Variants in CSMD1 observed in about 807,000 individuals in gnomAD.
The protein encoded by CSMD1 is CUB and sushi domain-containing protein 1.
A neutral mutation model predicts 417.5 loss-of-function variants in CSMD1; 213 were observed. That is an observed-to-expected ratio of 0.51 (90% CI 0.46 to 0.57). The LOEUF (loss-of-function observed/expected upper bound fraction) is 0.57, where lower values mean the gene tolerates loss of function less well. Ranked by LOEUF, CSMD1 falls within the 20% of genes least tolerant of loss-of-function variation. The probability of loss-of-function intolerance (pLI) is 0.00; values close to 1 mark genes in which losing one functional copy is unlikely to be tolerated. For missense variants in CSMD1, 6,923 were observed against 4,529.7 expected (o/e 1.53, Z -15.17); for synonymous variants, 2,862 against 1,736.8 (o/e 1.65, Z -16.11).
At chr8:4,123,092 T>G (rs1802577047) in intron 3 of CSMD1, among the ~76,000 whole-genome samples, 1 of 152,186 alleles carries the variant, frequency 6.6e-6, no homozygotes, top group Non-Finnish European at 1.5e-5. Flanking sequence ...CCAGTGAGAT[T>G]GGAAAACAGA....
rs80314292 is a variant in CSMD1, at chr8:3,360,926, T to A, written c.3116-1586A>T. On this transcript the variant is annotated intron_variant, in intron 20 of 69. Transcript: ENST00000635120. Reference sequence around the variant, plus strand: ...CTGAGATCTCATACCTGCACTTTTATAAAAACTTTTATGGAACTCTGTACC... The same window carrying A: ...CTGAGATCTCATACCTGCACTTTTAAAAAAACTTTTATGGAACTCTGTACC... Among the ~76,000 whole-genome samples the A allele has an allele frequency of 9.0e-3, 1,366 of 152,148 alleles. 21 individuals are homozygous for A. Among genetic ancestry groups the A allele is most frequent in the African/African-American group, 0.031 (1,308 of 41,530 alleles).
At position 4,915,390 on chromosome 8, in the gene CSMD1, G is replaced by A. The variant is rs889908733; in HGVS notation, c.85+78942C>T. On this transcript the variant is annotated intron_variant, in intron 1 of 69. Coordinates refer to ENST00000635120, the MANE Select transcript of CSMD1 (RefSeq NM_033225.6). ...GTCTGACAATCGTAGATTCTGATCC[G>A]TATTTTAGATAAGAAATTGTTTACA... 6.2e-4 allele frequency among the ~76,000 whole-genome samples: 94 copies of A among 152,158 alleles called. 9 individuals carry two copies. The highest frequency in any genetic ancestry group is 2.1e-4 in the South Asian group (1 of 4,826).
chr8:3,073,144 C>A (rs937423693), intron 49 of CSMD1, among the ~76,000 whole-genome samples: 1 of 151,928 alleles, frequency 6.6e-6, no homozygotes, highest in Non-Finnish European at 1.5e-5. Flanking sequence ...GAAAACTTTG[C>A]AAATAGAGTG....
Position 3,157,814 on chromosome 8 carries a change from G to C in CSMD1, c.5914+83C>G. ...TTTTGAAATTAAGAAATTTAGAAGT[G>C]CATTCTTTGACCCCAAGAGTAGAGC... is the stretch of plus-strand genomic sequence containing the variant. On this transcript the variant is annotated intron_variant, in intron 39 of 69. Transcript: ENST00000635120. 2.7e-6 allele frequency: 3 copies of C among 1,092,590 alleles called. No individual in the cohort carries two copies. The Admixed American group carries it at 6.3e-5, about 23-fold the overall frequency. The allele number at this position is 1,092,590 out of a possible 1,614,324, so 67.7% of individuals were successfully genotyped here.
intron 1 of CSMD1, among the ~76,000 whole-genome samples, chr8:4,942,197 C>T (rs761783024): frequency 1.3e-5 from 2 of 152,128 alleles, no homozygotes; most frequent in Non-Finnish European, 2.9e-5. Flanking sequence ...TTCCTTCCCC[C>T]CAACACACAG....
chr8:3,572,237 C>T (rs937515175), intron 10 of CSMD1, among the ~76,000 whole-genome samples: 20 of 152,126 alleles, frequency 1.3e-4, no homozygotes, highest in African/African-American at 4.8e-4. Flanking sequence ...GGGGCTGTGT[C>T]AAAAGGAGGA....
chr8:3,478,210 G>C (rs534739044), intron 11 of CSMD1, among the ~76,000 whole-genome samples: 1 of 152,186 alleles, frequency 6.6e-6, no homozygotes, highest in Non-Finnish European at 1.5e-5. Context: ...ATTTACAATC[G>C]CTATTTTAAA....
chr8:3,111,689 A>G (rs929406755), intron 42 of CSMD1, among the ~76,000 whole-genome samples: 2 of 152,022 alleles, frequency 1.3e-5, no homozygotes, highest in African/African-American at 4.8e-5. Context: ...AAAATCAGCC[A>G]GGCGTGGTGG....
At chr8:3,509,227 T>C (rs1024227376) in intron 10 of CSMD1, among the ~76,000 whole-genome samples, 1 of 152,218 alleles carries the variant, frequency 6.6e-6, no homozygotes, top group African/African-American at 2.4e-5. Context: ...CAATATTATC[T>C]GGACCCCTTT....
chr8:4,214,188 G>A (rs1057438834), intron 3 of CSMD1, among the ~76,000 whole-genome samples: 3 of 152,074 alleles, frequency 2.0e-5, no homozygotes, highest in Admixed American at 1.3e-4. Context: ...CTTTACATAG[G>A]ATACGGCTCA....
chr8:3,190,921 C>T (rs1287251804), intron 33 of CSMD1, among the ~76,000 whole-genome samples: 2 of 152,160 alleles, frequency 1.3e-5, no homozygotes, highest in Non-Finnish European at 2.9e-5. Flanking sequence ...AGTAGTGGCA[C>T]TCATAGAACC....
intron 1 of CSMD1, among the ~76,000 whole-genome samples, chr8:4,917,527 G>C (rs768656707): frequency 3.9e-5 from 6 of 152,268 alleles, no homozygotes; most frequent in Non-Finnish European, 7.4e-5. Context: ...CCAGCTACTC[G>C]GGAAGCTGAA....
chr8:3,942,621 T>C (rs115407423), intron 5 of CSMD1, among the ~76,000 whole-genome samples: 1 of 152,208 alleles, frequency 6.6e-6, no homozygotes, highest in Non-Finnish European at 1.5e-5. Flanking sequence ...GGTCCGGCCA[T>C]TCTACTTACT....
intron 12 of CSMD1, among the ~76,000 whole-genome samples, chr8:3,456,224 C>T (rs1816121223): frequency 6.6e-6 from 1 of 152,140 alleles, no homozygotes; most frequent in African/African-American, 2.4e-5. Flanking sequence ...CTTTCTTTGA[C>T]TAGGAAAGGG....
At chr8:3,907,950 G>A (rs754627875) in intron 5 of CSMD1, among the ~76,000 whole-genome samples, 1 of 152,042 alleles carries the variant, frequency 6.6e-6, no homozygotes, top group Non-Finnish European at 1.5e-5. Flanking sequence ...TTTTTGGGGG[G>A]TGTGGGGAGA....
At chr8:3,790,713 C>A (rs1482501540) in intron 5 of CSMD1, among the ~76,000 whole-genome samples, 1 of 152,084 alleles carries the variant, frequency 6.6e-6, no homozygotes, top group African/African-American at 2.4e-5. Flanking sequence ...ATACCTTTGA[C>A]AAAAACACCC....
intron 3 of CSMD1, among the ~76,000 whole-genome samples, chr8:4,045,390 C>A (rs1444014079): frequency 6.6e-6 from 1 of 152,134 alleles, no homozygotes; most frequent in Non-Finnish European, 1.5e-5. Context: ...TAAAACAGTG[C>A]TACATTACCG....
At chr8:3,771,825 C>T (rs534778723) in intron 5 of CSMD1, among the ~76,000 whole-genome samples, 4 of 152,044 alleles carry the variant, frequency 2.6e-5, no homozygotes, top group African/African-American at 9.7e-5. Flanking sequence ...CAGAATGATC[C>T]GTTCAATACA....
chr8:3,384,860 A>T (rs1810890592), intron 18 of CSMD1, among the ~76,000 whole-genome samples: 1 of 122,490 alleles, frequency 8.2e-6, no homozygotes, highest in African/African-American at 3.2e-5. Flanking sequence ...TGCTATTTAT[A>T]TGTAAATATA....
Sources: gnomAD v4.1 joint callset for allele counts (sites outside exome capture counted in the v4.1 genomes callset) on GRCh38, gnomAD v4.1.1 for gene constraint, MANE v1.5 for transcripts, NCBI Gene and HGNC (gene_info 2026-07-23, HGNC 2026-07-21) for gene names.